The following PLEKHA6 variants were observed in gnomAD, a reference collection of about 807,000 sequenced individuals.
The protein encoded by PLEKHA6 is pleckstrin homology domain containing A6.
A neutral mutation model predicts 116.7 loss-of-function variants in PLEKHA6; 60 were observed. The ratio of observed to expected loss-of-function variants is 0.51; its 90% CI spans 0.42 to 0.64. The LOEUF is 0.64. Among genes scored for constraint, PLEKHA6 ranks in the 30% least tolerant of loss-of-function variants. The pLI is 0.00. For synonymous variants in PLEKHA6, 489 were observed against 556.1 expected (o/e 0.88, Z 1.70); for missense variants, 1,338 against 1,422.7 (o/e 0.94, Z 0.96).
intron 1 of PLEKHA6, among the ~76,000 whole-genome samples, chr1:204,348,533 G>T (rs191736045): frequency 6.6e-6 from 1 of 152,300 alleles, no homozygotes; most frequent in East Asian, 1.9e-4. Context: ...AATTCACACA[G>T]CATGGCTGAA....
Position 204,259,684 on chromosome 1 carries a change from G to A in PLEKHA6, c.581C>T (p.Pro194Leu). The A allele has an allele frequency of 6.2e-7, 1 of 1,613,940 alleles. No individual in the cohort carries two copies. Among genetic ancestry groups the A allele is most frequent in the Middle Eastern group, 1.7e-4 (1 of 6,056 alleles). Reference sequence around the variant, plus strand: ...CTCAGGCTTAGGGAGGCTGTTGTGGGGTGGCTGCTGGTGGTGCTTGCTGGG... The same window carrying A: ...CTCAGGCTTAGGGAGGCTGTTGTGGAGTGGCTGCTGGTGGTGCTTGCTGGG... ...VPPSKHHQQP[P>L]HNSLPKPEPE... Residue 194 changes from proline to leucine, a missense_variant, in exon 8 of 23, where the codon CCC becomes CTC. This residue lies in a region of PLEKHA6 where 1,136 missense variants were observed against 1,163.6 expected (regional missense o/e 0.98). Coordinates refer to ENST00000272203, the MANE Select transcript of PLEKHA6 (RefSeq NM_014935.5). The surrounding 1 kb of genome is among the most constrained non-coding windows in gnomAD (Gnocchi z 4.6).
chr1:204,313,655 T>C (rs573574900), intron 1 of PLEKHA6: 1 of 985,028 alleles, frequency 1.0e-6, no homozygotes, highest in South Asian at 4.7e-5. Flanking sequence ...TCCACCTCCA[T>C]GCCCCCATCC....
intron 1 of PLEKHA6, among the ~76,000 whole-genome samples, chr1:204,302,222 T>C (rs1306673165): frequency 1.3e-5 from 2 of 152,186 alleles, no homozygotes; most frequent in African/African-American, 4.8e-5. Flanking sequence ...AGAGAAGGAT[T>C]GAGTTTTCCA....
intron 1 of PLEKHA6, among the ~76,000 whole-genome samples, chr1:204,315,202 C>T (rs1482549455): frequency 1.3e-5 from 2 of 152,070 alleles, no homozygotes; most frequent in African/African-American, 4.8e-5. Flanking sequence ...AAGCCAATTT[C>T]CCCTCCACTG....
intron 1 of PLEKHA6, among the ~76,000 whole-genome samples, chr1:204,304,907 C>T (rs1351662501): frequency 6.6e-6 from 1 of 152,152 alleles, no homozygotes; most frequent in Non-Finnish European, 1.5e-5. Flanking sequence ...ACTGAACAAA[C>T]ATTGGTTGTT....
intron 1 of PLEKHA6, among the ~76,000 whole-genome samples, chr1:204,345,718 T>A (rs1673017435): frequency 6.6e-6 from 1 of 152,112 alleles, no homozygotes; most frequent in African/African-American, 2.4e-5. Context: ...ACTCCTCCTG[T>A]CCCCTCTTCC....
intron 1 of PLEKHA6, chr1:204,307,265 G>A (rs1021811069): frequency 7.9e-5 from 12 of 152,056 alleles, no homozygotes; most frequent in Non-Finnish European, 1.3e-4. Flanking sequence ...TTTTTCTCCC[G>A]GGTCCTCTCC....
intron 2 of PLEKHA6, chr1:204,368,934 T>C (rs6691171): frequency 0.11 from 17,301 of 152,300 alleles, 1,377 homozygotes; most frequent in African/African-American, 0.22. Context: ...TCTCCTGCCA[T>C]GTTAGCAGCT....
chr1:204,372,213 T>C (rs1673789982), intron 1 of PLEKHA6, among the ~76,000 whole-genome samples: 1 of 152,168 alleles, frequency 6.6e-6, no homozygotes. Context: ...TTGGCCAAAG[T>C]CACAACCTAG....
At chr1:204,351,909 A>G (rs1010560900) in intron 1 of PLEKHA6, among the ~76,000 whole-genome samples, 1 of 152,142 alleles carries the variant, frequency 6.6e-6, no homozygotes, top group East Asian at 1.9e-4. Flanking sequence ...ACTCATCTCT[A>G]CTAAAAATAC....
chr1:204,274,869 A>G, intron 1 of PLEKHA6, 60 bp from the exon 2 acceptor site: 5 of 984,928 alleles, frequency 5.1e-6, no homozygotes, highest in Non-Finnish European at 6.0e-6. Context: ...ACAAAAGCCA[A>G]TGCGTGGACA....
intron 1 of PLEKHA6, chr1:204,326,951 A>T: frequency 3.0e-6 from 3 of 984,466 alleles, no homozygotes; most frequent in Non-Finnish European, 3.6e-6. Context: ...GCACTTAGGC[A>T]GGGAGTGGTC....
chr1:204,265,790 G>GC lies in PLEKHA6; in HGVS notation c.281-749_281-748insG, dbSNP rs201552450. On this transcript the variant is annotated intron_variant, in intron 5 of 22. Coordinates refer to ENST00000272203, the MANE Select transcript of PLEKHA6 (RefSeq NM_014935.5). ...AGGTTCTATGTCTCCACAGGAAAAG[G>GC]AGTGCTCCCTGCATGGAGTGCTCTG... Among the ~76,000 whole-genome samples, 1,400 of 152,318 alleles carry GC rather than the reference G, an allele frequency of 9.2e-3. 24 individuals are homozygous for GC. The highest frequency in any genetic ancestry group is 0.032 in the African/African-American group (1,324 of 41,552).
intron 6 of PLEKHA6, among the ~76,000 whole-genome samples, chr1:204,263,607 G>C (rs1456144568): frequency 6.6e-6 from 1 of 152,124 alleles, no homozygotes; most frequent in East Asian, 1.9e-4. Context: ...TCTGGGATCT[G>C]TGGTGGAGGG....
intron 21 of PLEKHA6, among the ~76,000 whole-genome samples, chr1:204,226,879 A>G (rs554712280): frequency 3.2e-4 from 48 of 152,300 alleles, no homozygotes; most frequent in African/African-American, 1.1e-3. Context: ...AACTACTACT[A>G]CCAGCAACAC....
chr1:204,282,385 A>G (rs540641361), intron 1 of PLEKHA6, among the ~76,000 whole-genome samples: 1 of 152,308 alleles, frequency 6.6e-6, no homozygotes, highest in East Asian at 1.9e-4. Flanking sequence ...ACCAGAGTAG[A>G]TAGCATAACT....
At chr1:204,272,506 T>C (rs1160949155) in intron 3 of PLEKHA6, among the ~76,000 whole-genome samples, 3 of 152,242 alleles carry the variant, frequency 2.0e-5, no homozygotes, top group Non-Finnish European at 4.4e-5. Context: ...TTAAAAACAC[T>C]TTTTTGAAGT....
At chr1:204,346,868 G>A (rs952502727) in intron 1 of PLEKHA6, 2 of 1,344,552 alleles carry the variant, frequency 1.5e-6, no homozygotes, top group South Asian at 1.2e-5. Flanking sequence ...GGAGCAGGCT[G>A]GCGCTTTAGT....
chr1:204,300,981 C>T (rs879891176), intron 1 of PLEKHA6, among the ~76,000 whole-genome samples: 3 of 152,184 alleles, frequency 2.0e-5, no homozygotes, highest in South Asian at 2.1e-4. Context: ...CTGCAAACTG[C>T]GACCTGAACT....
Sources: gnomAD v4.1 joint callset for allele counts (sites outside exome capture counted in the v4.1 genomes callset) on GRCh38, gnomAD v4.1.1 for gene constraint, gnomAD v4.1.1 regional missense constraint, Gnocchi (gnomAD v3.1) non-coding constraint, MANE v1.5 for transcripts, NCBI Gene and HGNC (gene_info 2026-07-23, HGNC 2026-07-21) for gene names.